VSIG10: variants seen among roughly 807,000 people sequenced by gnomAD.
The protein encoded by VSIG10 is V-set and immunoglobulin domain containing 10.
VSIG10 carries 48 observed loss-of-function variants against 58.7 expected under a neutral mutation model. That is an observed-to-expected ratio of 0.82 (90% CI 0.65 to 1.04). VSIG10 has a LOEUF of 1.04. Among genes scored for constraint, VSIG10 ranks in the 50% least tolerant of loss-of-function variants. The pLI is 0.00. For missense variants in VSIG10, 628 were observed against 670.0 expected, an observed-to-expected ratio of 0.94 and a Z score of 0.69; for synonymous variants, 260 against 267.1, an observed-to-expected ratio of 0.97 and a Z score of 0.26.
intron 4 of VSIG10, among the ~76,000 whole-genome samples, chr12:118,076,035 T>G (rs1310321292): frequency 6.6e-6 from 1 of 152,192 alleles, no homozygotes; most frequent in African/African-American, 2.4e-5. Context: ...ACATAAAAAC[T>G]GTACTGATCG....
chr12:118,099,311 C>A (rs576164350), intron 1 of VSIG10, among the ~76,000 whole-genome samples: 1 of 138,308 alleles, frequency 7.2e-6, no homozygotes, highest in Non-Finnish European at 1.6e-5. Flanking sequence ...GGTGGAGGGG[C>A]GGCGGGTTGG....
chr12:118,097,066 A>C (rs1010794019), intron 1 of VSIG10, among the ~76,000 whole-genome samples: 3 of 152,118 alleles, frequency 2.0e-5, no homozygotes, highest in Non-Finnish European at 2.9e-5. Context: ...CAAACAAACA[A>C]CACATACAGA....
chr12:118,081,654 C>T (rs973696457), intron 3 of VSIG10, among the ~76,000 whole-genome samples: 1 of 152,162 alleles, frequency 6.6e-6, no homozygotes. Context: ...GTGCAGCAGC[C>T]CTGGATGTGT....
At chr12:118,089,954 T>A (rs964245788) in intron 2 of VSIG10, among the ~76,000 whole-genome samples, 3 of 152,176 alleles carry the variant, frequency 2.0e-5, no homozygotes, top group African/African-American at 7.2e-5. Flanking sequence ...ACATTTTCCA[T>A]GTGCAAATGA....
Position 118,073,862 on chromosome 12 carries a change from C to T in VSIG10, c.1056G>A (p.Glu352=). 6.5e-7 allele frequency: 1 copy of T among 1,532,814 alleles called. No individual in the cohort carries two copies. 95.0% of individuals were successfully genotyped at this position (1,532,814 alleles called of 1,614,324 possible). The part of the protein sequence containing the change: ...ILWLRNLTQP[E]VIIQPSSRHL... ...GGCGGCTGCTAGGCTGGATGATCAC[C>T]TCGGGCTGGGTAAGGTTCCTCAGCC... Residue 352 remains glutamate, a synonymous_variant, in exon 5 of 9, where the codon GAG becomes GAA. Transcript: ENST00000359236.
intron 1 of VSIG10, chr12:118,101,955 T>C (rs2033633230): frequency 6.6e-6 from 1 of 152,170 alleles, no homozygotes; most frequent in Non-Finnish European, 1.5e-5. Context: ...GCTCAAGCGA[T>C]TGTAGAGACC....
chr12:118,091,779 C>T (rs186137452), intron 2 of VSIG10, among the ~76,000 whole-genome samples: 18 of 151,736 alleles, frequency 1.2e-4, no homozygotes, highest in East Asian at 7.7e-4. Flanking sequence ...TTTTTTGAGA[C>T]GGAGTTTCAC....
At chr12:118,076,690 C>CA (rs2032742070) in intron 4 of VSIG10, among the ~76,000 whole-genome samples, 1 of 151,640 alleles carries the variant, frequency 6.6e-6, no homozygotes, top group African/African-American at 2.4e-5. Flanking sequence ...TGTTTTGAGA[C>CA]AGAGTTTCAC....
intron 2 of VSIG10, among the ~76,000 whole-genome samples, chr12:118,087,834 TC>T: frequency 3.8e-5 from 1 of 26,296 alleles, no homozygotes. Flanking sequence ...TGAGATCCTG[TC>T]TCAAAAAAAA....
intron 4 of VSIG10, among the ~76,000 whole-genome samples, chr12:118,078,939 A>T (rs1275782644): frequency 1.6e-5 from 1 of 60,892 alleles, no homozygotes; most frequent in African/African-American, 1.1e-4. Context: ...ACTCTGCCTA[A>T]AAAAAAAAAA....
At chr12:118,090,212 G>T (rs1405850525) in intron 2 of VSIG10, among the ~76,000 whole-genome samples, 1 of 152,166 alleles carries the variant, frequency 6.6e-6, no homozygotes, top group Non-Finnish European at 1.5e-5. Flanking sequence ...GGCTGAGGCA[G>T]AAGAATCGCT....
At chr12:118,079,639 TCA>T (rs776145133) in intron 3 of VSIG10, 33 bp from the exon 4 acceptor site, 45 of 1,609,956 alleles carry the variant, frequency 2.8e-5, no homozygotes, top group Admixed American at 8.4e-5. Flanking sequence ...ATGGGCTGAA[TCA>T]CAGACTCTAG....
Position 118,066,530 on chromosome 12 carries a change from T to A in VSIG10, c.*109A>T. On this transcript the variant is annotated 3_prime_UTR_variant, in exon 9 of 9. Coordinates refer to ENST00000359236, the MANE Select transcript of VSIG10 (RefSeq NM_019086.6). ...TTTGCTGAGACCCAAACATTGTTAG[T>A]GCAAGCCCCCGCCAGGGGTGCAGGT... 6.5e-6 allele frequency: 8 copies of A among 1,228,166 alleles called. No individual in the cohort carries two copies. Among genetic ancestry groups the A allele is most frequent in the Non-Finnish European group, 8.4e-6 (7 of 832,084 alleles). The allele number at this position is 1,228,166 out of a possible 1,614,324, so 76.1% of individuals were successfully genotyped here.
In VSIG10 at chr12:118,078,936, C is replaced by CAAAAAAAAAAAA. The variant is rs2032832230; in HGVS notation, c.925+409_925+410insTTTTTTTTTTTT. Among the ~76,000 whole-genome samples the CAAAAAAAAAAAA allele has an allele frequency of 5.8e-5, 3 of 51,984 alleles. No homozygotes were observed. In the East Asian group the frequency reaches 3.1e-3, roughly 53 times the overall value. The allele number at this position is 51,984 out of a possible 152,430, so 34.1% of individuals were successfully genotyped here. A position where few individuals can be genotyped will look rare whatever the true frequency, so the allele number is the denominator to read the frequency against. On this transcript the variant is annotated intron_variant, in intron 4 of 8. Transcript: ENST00000359236. ...TCTGGGCAACAGAGCAAGACTCTGC[C>CAAAAAAAAAAAA]TAAAAAAAAAAAAAAAAAAAAAAAA...
At chr12:118,082,495 C>T in intron 2 of VSIG10, 66 bp from the exon 3 acceptor site, 1 of 1,461,734 alleles carries the variant, frequency 6.8e-7, no homozygotes, top group Non-Finnish European at 9.3e-7. Context: ...GCCTTACCAA[C>T]TCTAATATAT....
At chr12:118,079,741 A>G in intron 3 of VSIG10, 135 bp from the exon 4 acceptor site, 1 of 1,258,748 alleles carries the variant, frequency 7.9e-7, no homozygotes, top group Non-Finnish European at 1.1e-6. Flanking sequence ...AATAGCTCCT[A>G]GCACAAATTC....
At position 118,079,576 on chromosome 12, in the gene VSIG10, G is replaced by A. The variant is rs371236620; in HGVS notation, c.695C>T (p.Ala232Val). ...CATGAACGATCCTGATGCCATCTGT[G>A]CCCAGCACTGGGGAGCTGATGGAGG... ...YPPPSAPQCW[A>V]QMASGSFMLQ... Residue 232 changes from alanine (A) to valine (V), a missense_variant, in exon 4 of 9, where the codon GCA (alanine) becomes GTA (valine). Coordinates refer to ENST00000359236, the MANE Select transcript of VSIG10 (RefSeq NM_019086.6). The A allele has an allele frequency of 2.7e-5, 44 of 1,613,892 alleles. No homozygotes were observed. The highest frequency in any genetic ancestry group is 2.2e-5 in the East Asian group (1 of 44,894).
Position 118,064,244 on chromosome 12 carries a change from CAG to C in VSIG10, c.*2393_*2394del. On this transcript the variant is annotated 3_prime_UTR_variant, in exon 9 of 9. Transcript: ENST00000359236. ...AGGATATTACTGTGCACACAGGACT[CAG>C]ATATGTGACAGCAGTCACAGCTCAG... 1 of 152,296 alleles carries C rather than the reference CAG, an allele frequency of 6.6e-6. No individual in the cohort carries two copies. The highest frequency in any genetic ancestry group is 2.4e-5 in the African/African-American group (1 of 41,566). 9.4% of individuals were successfully genotyped at this position (152,296 alleles called of 1,614,324 possible).
intron 5 of VSIG10, among the ~76,000 whole-genome samples, chr12:118,072,236 C>T (rs2032525411): frequency 1.3e-5 from 2 of 151,664 alleles, no homozygotes; most frequent in South Asian, 2.1e-4. Flanking sequence ...GAGGCCGAGG[C>T]AGGCGGATCA....
Sources: allele counts gnomAD v4.1 joint callset (sites outside exome capture counted in the v4.1 genomes callset), GRCh38; gene constraint gnomAD v4.1.1; transcripts MANE v1.5; gene names NCBI Gene and HGNC (gene_info 2026-07-23, HGNC 2026-07-21).